The following NUP160 variants were observed in gnomAD, a reference collection of about 807,000 sequenced individuals.
NUP160 encodes the protein nuclear pore complex protein Nup160.
In NUP160, 94 loss-of-function variants were observed where a neutral mutation model predicts 196.9. The ratio of observed to expected loss-of-function variants is 0.48; its 90% confidence interval spans 0.40 to 0.57. NUP160 has a LOEUF of 0.57. Ranked by LOEUF, NUP160 falls within the 20% of genes least tolerant of loss-of-function variation. The pLI is 0.00. For missense variants in NUP160, 1,638 were observed against 1,748.3 expected, an observed-to-expected ratio of 0.94 and a Z score of 1.13; for synonymous variants, 605 against 619.7, an observed-to-expected ratio of 0.98 and a Z score of 0.35.
intron 34 of NUP160, among the ~76,000 whole-genome samples, chr11:47,780,859 A>G (rs2097660349): frequency 6.6e-6 from 1 of 152,034 alleles, no homozygotes; most frequent in Middle Eastern, 3.2e-3. Context: ...ACCACAAGAA[A>G]CTGTGTGTAT....
intron 32 of NUP160, 43 bp from the exon 33 acceptor site, chr11:47,785,106 T>TTTTTTTTTTTTTTTTTTTGAGACGG: frequency 1.3e-5 from 13 of 981,294 alleles, no homozygotes; most frequent in Non-Finnish European, 1.9e-5. Context: ...AGATTCTTAA[T>TTTTTTTTTTTTTTTTTTTGAGACGG]AGCTATTTAG....
intron 5 of NUP160, 36 bp downstream of exon 5, chr11:47,837,509 T>C (rs1024219270): frequency 6.5e-7 from 1 of 1,537,706 alleles, no homozygotes; most frequent in South Asian, 1.1e-5. Flanking sequence ...GATTAAATTC[T>C]TGGGCCCTTT....
At chr11:47,780,221 T>G in intron 35 of NUP160, 122 bp downstream of exon 35, 2 of 684,398 alleles carry the variant, frequency 2.9e-6, no homozygotes, top group Non-Finnish European at 5.2e-6. Flanking sequence ...GGCAGTTTGT[T>G]AAGGGCCAAA....
At position 47,840,624 on chromosome 11, in the gene NUP160, G is replaced by A. The variant is rs1222007430; in HGVS notation, c.315-36C>T. 4 of 1,461,950 alleles carry A rather than the reference G, an allele frequency of 2.7e-6. No individual in the cohort carries two copies. In the South Asian group the frequency reaches 3.9e-5, roughly 14 times the overall value. 90.6% of individuals were successfully genotyped at this position (1,461,950 alleles called of 1,614,324 possible). On this transcript the variant is annotated intron_variant, in intron 2 of 35. Transcript: ENST00000378460. ...AGAGACATTTGTTTGAAAAGTTTAT[G>A]CTTTTCTCACTGACTGTTCTACTGA... is the stretch of plus-strand genomic sequence containing the variant.
intron 2 of NUP160, among the ~76,000 whole-genome samples, chr11:47,843,561 C>T (rs781731442): frequency 6.6e-6 from 1 of 152,102 alleles, no homozygotes; most frequent in Admixed American, 6.6e-5. Context: ...CAACTGGGGG[C>T]GATTCTTCCT....
At chr11:47,783,689 CTTACCT>C (rs1742787812) in intron 33 of NUP160, among the ~76,000 whole-genome samples, 2 of 152,076 alleles carry the variant, frequency 1.3e-5, no homozygotes, top group Admixed American at 1.3e-4. Context: ...TGATCACAAT[CTTACCT>C]TTACCATCTT....
At chr11:47,831,640 G>A (rs893068926) in intron 7 of NUP160, among the ~76,000 whole-genome samples, 2 of 151,488 alleles carry the variant, frequency 1.3e-5, no homozygotes, top group Non-Finnish European at 1.5e-5. Context: ...GATCAGGAGA[G>A]ACCAGCCTGG....
chr11:47,830,411 T>C (rs1280365225), intron 7 of NUP160, among the ~76,000 whole-genome samples: 1 of 152,170 alleles, frequency 6.6e-6, no homozygotes, highest in South Asian at 2.1e-4. Context: ...CAAATGCACA[T>C]GAATGTTCAT....
At chr11:47,793,386 C>G (rs991174327) in intron 27 of NUP160, among the ~76,000 whole-genome samples, 1 of 152,076 alleles carries the variant, frequency 6.6e-6, no homozygotes, top group East Asian at 1.9e-4. Flanking sequence ...CCTGCCCCCC[C>G]TCCCCAAAAT....
chr11:47,806,040 C>A (rs1462510740), intron 20 of NUP160, 113 bp downstream of exon 20: 2 of 940,930 alleles, frequency 2.1e-6, no homozygotes, highest in East Asian at 2.4e-5. Flanking sequence ...TCTCGAACTT[C>A]TGGCCATAAG....
intron 31 of NUP160, among the ~76,000 whole-genome samples, chr11:47,787,476 C>T (rs1190491208): frequency 6.8e-6 from 1 of 147,820 alleles, no homozygotes; most frequent in Non-Finnish European, 1.5e-5. Flanking sequence ...GTTGCCCAGG[C>T]TCGAGTGCAG....
At chr11:47,788,118 C>A (rs2097665721) in intron 31 of NUP160, 64 bp downstream of exon 31, 3 of 1,405,578 alleles carry the variant, frequency 2.1e-6, no homozygotes, top group Non-Finnish European at 3.0e-6. Context: ...GACTGTTTCA[C>A]ACTGAGCAAG....
chr11:47,837,150 T>C (rs945079057), intron 5 of NUP160, 149 bp from the exon 6 acceptor site: 8 of 511,514 alleles, frequency 1.6e-5, no homozygotes, highest in Non-Finnish European at 2.8e-5. Context: ...CAACTACATT[T>C]CTATTTGGTT....
chr11:47,824,808 T>C (rs1351079579), intron 7 of NUP160, among the ~76,000 whole-genome samples: 1 of 129,830 alleles, frequency 7.7e-6, no homozygotes, highest in East Asian at 2.3e-4. Context: ...CCCAGCTTTT[T>C]CTTTTGTTTT....
chr11:47,788,996 C>T (rs1026197595), intron 29 of NUP160, among the ~76,000 whole-genome samples: 16 of 151,990 alleles, frequency 1.1e-4, no homozygotes, highest in African/African-American at 3.9e-4. Flanking sequence ...CCTGCCTCAG[C>T]CTTCCGAGTA....
intron 27 of NUP160, among the ~76,000 whole-genome samples, chr11:47,794,536 A>G (rs767806229): frequency 4.6e-5 from 7 of 152,202 alleles, no homozygotes; most frequent in Non-Finnish European, 7.3e-5. Flanking sequence ...TGGGAGGCAG[A>G]GGTGGGCAGA....
At chr11:47,808,468 G>C (rs768893878) in exon 18 of NUP160, 2 of 1,613,876 alleles carry the variant, frequency 1.2e-6, no homozygotes, top group East Asian at 4.5e-5. Context: ...TAAGAGTAGG[G>C]GAGCTGTTCG....
At position 47,819,368 on chromosome 11, in the gene NUP160, A is replaced by G. The variant is rs780503409; in HGVS notation, c.1362+6T>C. On this transcript the variant is annotated splice_donor_region_variant and intron_variant, in intron 10 of 35. Transcript: ENST00000378460. ...TCCCTTATATAACATTTGAGCATCT[A>G]CTTACTCTGGGGTCTTGATCATCTC... 5.7e-6 allele frequency: 9 copies of G among 1,588,964 alleles called. No individual in the cohort carries two copies. In the South Asian group the frequency reaches 6.6e-5, roughly 12 times the overall value.
At chr11:47,799,901 G>A (rs982326133) in intron 23 of NUP160, among the ~76,000 whole-genome samples, 3 of 152,086 alleles carry the variant, frequency 2.0e-5, no homozygotes, top group Admixed American at 6.6e-5. Context: ...CGCATGTATC[G>A]CTCACGTGTT....
Sources: gnomAD v4.1 joint callset for allele counts (sites outside exome capture counted in the v4.1 genomes callset) on GRCh38, gnomAD v4.1.1 for gene constraint, MANE v1.5 for transcripts, NCBI Gene and HGNC (gene_info 2026-07-23, HGNC 2026-07-21) for gene names.